The following SDK1 variants were observed in gnomAD, a reference collection of about 807,000 sequenced individuals.
The protein encoded by SDK1 is sidekick cell adhesion molecule 1, also known as protein sidekick-1.
Under a neutral mutation model 245.5 loss-of-function variants are expected in SDK1, and 157 were observed. The ratio of observed to expected loss-of-function variants is 0.64; its 90% CI spans 0.56 to 0.73. The LOEUF (loss-of-function observed/expected upper bound fraction) is 0.73, where lower values mean the gene tolerates loss of function less well. SDK1 is among the 30% of genes least tolerant of loss of function. The pLI, the probability that SDK1 is intolerant of heterozygous loss-of-function variation, is 0.00. For synonymous variants in SDK1, 1,647 were observed against 1,278.5 expected (o/e 1.29, Z -6.15); for missense variants, 3,583 against 3,002.3 (o/e 1.19, Z -4.52).
At chr7:3,735,104 C>T (rs1483432852) in intron 4 of SDK1, among the ~76,000 whole-genome samples, 1 of 151,962 alleles carries the variant, frequency 6.6e-6, no homozygotes, top group Non-Finnish European at 1.5e-5. Context: ...AGGAGTCCAG[C>T]TCCATTAATT....
At chr7:3,844,401 G>C (rs1393086866) in intron 5 of SDK1, among the ~76,000 whole-genome samples, 1 of 152,174 alleles carries the variant, frequency 6.6e-6, no homozygotes, top group African/African-American at 2.4e-5. Context: ...GAGGAGGAGA[G>C]TACTCCATCA....
chr7:4,060,072 G>A (rs1349833472), intron 19 of SDK1, among the ~76,000 whole-genome samples: 2 of 151,874 alleles, frequency 1.3e-5, no homozygotes, highest in Non-Finnish European at 1.5e-5. Context: ...TAGTAGAGAC[G>A]GGGTTTCACC....
intron 1 of SDK1, among the ~76,000 whole-genome samples, chr7:3,601,593 T>A (rs912032635): frequency 6.6e-6 from 1 of 151,912 alleles, no homozygotes; most frequent in African/African-American, 2.4e-5. Flanking sequence ...TCTTCTCTCT[T>A]TTTATTTATT....
intron 4 of SDK1, among the ~76,000 whole-genome samples, chr7:3,711,793 T>A (rs1188506376): frequency 2.0e-5 from 3 of 151,938 alleles, no homozygotes; most frequent in Non-Finnish European, 4.4e-5. Context: ...CTGAGTACAG[T>A]GGGGAGCTTC....
intron 4 of SDK1, among the ~76,000 whole-genome samples, chr7:3,803,142 T>C (rs1238027688): frequency 6.6e-6 from 1 of 152,198 alleles, no homozygotes; most frequent in Non-Finnish European, 1.5e-5. Flanking sequence ...TTAGCCATTT[T>C]AATAGGTGTG....
chr7:3,570,413 C>T (rs1780072936), intron 1 of SDK1, among the ~76,000 whole-genome samples: 1 of 152,150 alleles, frequency 6.6e-6, no homozygotes, highest in Non-Finnish European at 1.5e-5. Flanking sequence ...TGCTTGCCCA[C>T]TGCTCACCTC....
intron 1 of SDK1, among the ~76,000 whole-genome samples, chr7:3,481,322 A>T (rs1399889101): frequency 1.3e-5 from 2 of 152,248 alleles, no homozygotes; most frequent in Non-Finnish European, 2.9e-5. Flanking sequence ...AACTCTGTTC[A>T]TCTGACTGTA....
chr7:3,812,753 T>A (rs923163690), intron 4 of SDK1, among the ~76,000 whole-genome samples: 1 of 152,310 alleles, frequency 6.6e-6, no homozygotes, highest in Admixed American at 6.5e-5. Flanking sequence ...GAATCACAGT[T>A]CTGAAGTTTA....
chr7:4,133,629 C>T (rs986955873), intron 28 of SDK1, among the ~76,000 whole-genome samples: 2 of 152,156 alleles, frequency 1.3e-5, no homozygotes, highest in Non-Finnish European at 2.9e-5. Context: ...ATGCTTTCAG[C>T]CTTTGGGAGC....
At chr7:3,817,014 G>A (rs1779523050) in intron 4 of SDK1, among the ~76,000 whole-genome samples, 1 of 152,064 alleles carries the variant, frequency 6.6e-6, no homozygotes, top group Non-Finnish European at 1.5e-5. Flanking sequence ...TATGTTTAAT[G>A]GGCAAAGTTA....
At chr7:3,708,965 C>A (rs59602179) in intron 4 of SDK1, among the ~76,000 whole-genome samples, 4,491 of 152,288 alleles carry the variant, frequency 0.029, 227 homozygotes, top group African/African-American at 0.1. Flanking sequence ...TCATGATACT[C>A]TTCCAGCCAT....
chr7:3,742,755 C>T (rs902087531), intron 4 of SDK1, among the ~76,000 whole-genome samples: 3 of 152,186 alleles, frequency 2.0e-5, no homozygotes, highest in African/African-American at 4.8e-5. Flanking sequence ...GTTTATTTCA[C>T]AGACCCAGTC....
chr7:3,453,788 C>A (rs1169780418), intron 1 of SDK1, among the ~76,000 whole-genome samples: 1 of 151,990 alleles, frequency 6.6e-6, no homozygotes. Context: ...GCTATATTGC[C>A]CAGGCTGGTC....
At chr7:4,200,540 G>A (rs1783827419) in intron 35 of SDK1, among the ~76,000 whole-genome samples, 1 of 152,246 alleles carries the variant, frequency 6.6e-6, no homozygotes, top group Non-Finnish European at 1.5e-5. Flanking sequence ...ACCGGGGAAG[G>A]ATGCATTTCC....
At chr7:3,717,697 A>G (rs149016954) in intron 4 of SDK1, among the ~76,000 whole-genome samples, 2 of 152,330 alleles carry the variant, frequency 1.3e-5, no homozygotes, top group African/African-American at 4.8e-5. Context: ...CTCAAAAACT[A>G]CAAAGTGCCA....
In SDK1 at chr7:3,501,210, C is replaced by G. The variant is rs540722363; in HGVS notation, c.299-117870C>G. Among the ~76,000 whole-genome samples the G allele has an allele frequency of 9.7e-4, 148 of 152,148 alleles. 2 individuals carry two copies. Among genetic ancestry groups the G allele is most frequent in the Non-Finnish European group, 1.8e-3 (123 of 68,000 alleles). On this transcript the variant is annotated intron_variant, in intron 1 of 44. Transcript: ENST00000404826. Reference sequence around the variant, plus strand: ...GCTCTTTTCTTGGGGTAACTTTTGTCAGTATCTTTTCTTAGTATCTTTAGA... The same window carrying G: ...GCTCTTTTCTTGGGGTAACTTTTGTGAGTATCTTTTCTTAGTATCTTTAGA...
In SDK1 at chr7:4,268,763, C is replaced by G; in HGVS notation, c.*3379C>G. 7.3e-7 allele frequency: 1 copy of G among 1,367,046 alleles called. No individual in the cohort carries two copies. Among genetic ancestry groups the G allele is most frequent in the South Asian group, 1.1e-5 (1 of 88,024 alleles). The allele number at this position is 1,367,046 out of a possible 1,614,324, so 84.7% of individuals were successfully genotyped here. ...AGCGTCCTGGTAGCATGGATCCAGT[C>G]TGAAAGGTGAGGACAACGTGGAAAC... On this transcript the variant is annotated 3_prime_UTR_variant, in exon 45 of 45. Transcript: ENST00000404826.
rs924352840 is a variant in SDK1, at chr7:3,655,487, A to G, written c.713+13382A>G. On this transcript the variant is annotated intron_variant, in intron 4 of 44. Coordinates refer to ENST00000404826, the MANE Select transcript of SDK1 (RefSeq NM_152744.4). ...TATATATATATATATATATATATAT[A>G]TATATATATATATATATGTATGTAT... 8.6e-3 allele frequency among the ~76,000 whole-genome samples: 616 copies of G among 71,976 alleles called. 24 individuals carry two copies. Among genetic ancestry groups the G allele is most frequent in the African/African-American group, 0.022 (550 of 25,004 alleles). 47.2% of individuals were successfully genotyped at this position (71,976 alleles called of 152,430 possible).
intron 4 of SDK1, among the ~76,000 whole-genome samples, chr7:3,743,241 T>G (rs1779526092): frequency 6.6e-6 from 1 of 152,160 alleles, no homozygotes; most frequent in Non-Finnish European, 1.5e-5. Flanking sequence ...TCTGTTAAGC[T>G]TATGCCTGGA....
Sources: allele counts gnomAD v4.1 joint callset (sites outside exome capture counted in the v4.1 genomes callset), GRCh38; gene constraint gnomAD v4.1.1; transcripts MANE v1.5; gene names NCBI Gene and HGNC (gene_info 2026-07-23, HGNC 2026-07-21).